The following NPSR1 variants were observed in gnomAD, a reference collection of about 807,000 sequenced individuals.
NPSR1 encodes the protein neuropeptide S receptor.
A neutral mutation model predicts 46.9 loss-of-function variants in NPSR1; 48 were observed. The ratio of observed to expected loss-of-function variants is 1.02; its 90% CI spans 0.81 to 1.30. The LOEUF is 1.30. Ranked by LOEUF, NPSR1 falls within the 50% of genes most tolerant of loss-of-function variation. NPSR1 has a pLI of 0.00. For synonymous variants in NPSR1, 176 were observed against 168.1 expected (o/e 1.05, Z -0.36); for missense variants, 450 against 449.5 (o/e 1.00, Z -0.01).
At chr7:34,659,913 C>T (rs1413673123) in intron 1 of NPSR1, among the ~76,000 whole-genome samples, 1 of 152,104 alleles carries the variant, frequency 6.6e-6, no homozygotes, top group Non-Finnish European at 1.5e-5. Flanking sequence ...ATTCTTAGAA[C>T]ATGATAGCAA....
At chr7:34,769,344 A>G (rs976145823) in intron 2 of NPSR1, among the ~76,000 whole-genome samples, 4 of 152,294 alleles carry the variant, frequency 2.6e-5, no homozygotes, top group African/African-American at 9.6e-5. Context: ...TAATTCCAGT[A>G]TTGGACCTAA....
intron 2 of NPSR1, among the ~76,000 whole-genome samples, chr7:34,703,286 G>A (rs1353898875): frequency 2.0e-5 from 3 of 152,218 alleles, no homozygotes; most frequent in Non-Finnish European, 4.4e-5. Flanking sequence ...CGGGAGAATG[G>A]CGTGAACCCG....
At chr7:34,697,309 A>G (rs1793580208) in intron 2 of NPSR1, among the ~76,000 whole-genome samples, 1 of 152,006 alleles carries the variant, frequency 6.6e-6, no homozygotes. Flanking sequence ...AATTTCTATT[A>G]GATTTTAATG....
intron 7 of NPSR1, chr7:34,845,643 C>A (rs1410982793): frequency 4.4e-6 from 2 of 454,650 alleles, no homozygotes; most frequent in African/African-American, 4.0e-5. Context: ...TATTTTTCTT[C>A]TTGGTTCTAC....
At chr7:34,820,736 G>A (rs1421164020) in intron 4 of NPSR1, among the ~76,000 whole-genome samples, 2 of 152,082 alleles carry the variant, frequency 1.3e-5, no homozygotes, top group East Asian at 3.9e-4. Context: ...GGGATGGGGT[G>A]GGCGAAGCTT....
chr7:34,801,673 C>T (rs1421864747), intron 3 of NPSR1, among the ~76,000 whole-genome samples: 2 of 146,218 alleles, frequency 1.4e-5, no homozygotes, highest in Non-Finnish European at 3.0e-5. Context: ...CAGGGATGCC[C>T]TCTCTCACCA....
intron 2 of NPSR1, among the ~76,000 whole-genome samples, chr7:34,691,693 C>T (rs1206106500): frequency 6.6e-6 from 1 of 152,158 alleles, no homozygotes; most frequent in Non-Finnish European, 1.5e-5. Context: ...ACGACCAACA[C>T]TGGAGAGCCC....
intron 2 of NPSR1, among the ~76,000 whole-genome samples, chr7:34,776,031 T>G (rs554056542): frequency 6.0e-4 from 92 of 152,258 alleles, no homozygotes; most frequent in African/African-American, 2.0e-3. Flanking sequence ...TGTATTTGTA[T>G]AGTTTCCAAA....
intron 4 of NPSR1, among the ~76,000 whole-genome samples, chr7:34,820,355 G>C (rs746127512): frequency 2.0e-5 from 3 of 152,000 alleles, no homozygotes; most frequent in Non-Finnish European, 4.4e-5. Context: ...GTTTCTTCTC[G>C]GTCATTTGGT....
intron 2 of NPSR1, chr7:34,711,030 T>C (rs780132510): frequency 8.6e-5 from 31 of 360,210 alleles, no homozygotes; most frequent in Non-Finnish European, 1.2e-4. Context: ...TTGGCATTTG[T>C]CATCAGGATC....
intron 2 of NPSR1, among the ~76,000 whole-genome samples, chr7:34,720,290 A>AG (rs397966893): frequency 1.3e-4 from 20 of 150,300 alleles, no homozygotes; most frequent in African/African-American, 4.4e-4. Flanking sequence ...AAAAAAAAAA[A>AG]GGGAGCCAGA....
At chr7:34,807,593 G>T (rs1788766338) in intron 3 of NPSR1, among the ~76,000 whole-genome samples, 1 of 151,818 alleles carries the variant, frequency 6.6e-6, no homozygotes, top group Non-Finnish European at 1.5e-5. Flanking sequence ...ATATACCTTT[G>T]GCCATCCCTC....
At chr7:34,761,397 A>G (rs1786167237) in intron 2 of NPSR1, among the ~76,000 whole-genome samples, 1 of 152,216 alleles carries the variant, frequency 6.6e-6, no homozygotes, top group Non-Finnish European at 1.5e-5. Flanking sequence ...GCAAACCCTG[A>G]GGAATCTAAC....
intron 2 of NPSR1, among the ~76,000 whole-genome samples, chr7:34,725,122 C>CACACACAG (rs1271095244): frequency 4.6e-5 from 7 of 151,414 alleles, no homozygotes; most frequent in Non-Finnish European, 1.0e-4. Context: ...CACACACACA[C>CACACACAG]ACAGACACAC....
chr7:34,739,239 C>A (rs1041424345), intron 2 of NPSR1, among the ~76,000 whole-genome samples: 1 of 152,140 alleles, frequency 6.6e-6, no homozygotes, highest in Non-Finnish European at 1.5e-5. Flanking sequence ...GGTTTCTATT[C>A]TTTTAACTAT....
chr7:34,872,136 T>C (rs1318224952), intron 8 of NPSR1, among the ~76,000 whole-genome samples: 2 of 151,942 alleles, frequency 1.3e-5, no homozygotes, highest in Non-Finnish European at 2.9e-5. Flanking sequence ...CATTCATGCT[T>C]ACATTCTGAG....
At chr7:34,717,411 G>A (rs529374171) in intron 2 of NPSR1, among the ~76,000 whole-genome samples, 48 of 152,324 alleles carry the variant, frequency 3.2e-4, no homozygotes, top group Admixed American at 7.2e-4. Context: ...GATTACAGGC[G>A]TGAGCCACTG....
intron 8 of NPSR1, among the ~76,000 whole-genome samples, chr7:34,862,804 G>T (rs1188892727): frequency 6.6e-6 from 1 of 151,726 alleles, no homozygotes; most frequent in African/African-American, 2.4e-5. Context: ...CCAGGTTTTT[G>T]CCTGTTATCC....
chr7:34,718,211 T>C (rs1270036252), intron 2 of NPSR1, among the ~76,000 whole-genome samples: 1 of 152,182 alleles, frequency 6.6e-6, no homozygotes, highest in African/African-American at 2.4e-5. Flanking sequence ...TTAACATAAA[T>C]GTAATACGTT....
Sources: gnomAD v4.1 joint callset for allele counts (sites outside exome capture counted in the v4.1 genomes callset) on GRCh38, gnomAD v4.1.1 for gene constraint, MANE v1.5 for transcripts, NCBI Gene and HGNC (gene_info 2026-07-23, HGNC 2026-07-21) for gene names.